PPP3CA: variants seen among roughly 807,000 people sequenced by gnomAD.
The protein encoded by PPP3CA is CAM-PRP catalytic subunit.
Under a neutral mutation model 66.5 loss-of-function variants are expected in PPP3CA, and 14 were observed. The ratio of observed to expected loss-of-function variants is 0.21; its 90% CI spans 0.14 to 0.33. The LOEUF (loss-of-function observed/expected upper bound fraction) is 0.33. Among genes scored for constraint, PPP3CA ranks in the 10% least tolerant of loss-of-function variants. PPP3CA has a pLI of 1.00. For synonymous variants in PPP3CA, 232 were observed against 226.2 expected (o/e 1.03, Z -0.23); for missense variants, 317 against 639.5 (o/e 0.50, Z 5.44).
At chr4:101,237,443 A>G (rs58053659) in intron 1 of PPP3CA, among the ~76,000 whole-genome samples, 9,589 of 152,028 alleles carry the variant, frequency 0.063, 948 homozygotes, top group African/African-American at 0.21. Context: ...AAAATATTAT[A>G]CACGATCAAC....
intron 2 of PPP3CA, among the ~76,000 whole-genome samples, chr4:101,193,834 T>A (rs760366281): frequency 2.0e-5 from 3 of 152,214 alleles, no homozygotes; most frequent in Admixed American, 2.0e-4. Flanking sequence ...TTCCAATAAC[T>A]AGGACATTAA....
chr4:101,169,623 T>C (rs538298091), intron 2 of PPP3CA, among the ~76,000 whole-genome samples: 44 of 152,336 alleles, frequency 2.9e-4, no homozygotes, highest in Non-Finnish European at 5.0e-4. Flanking sequence ...AATGCCTACC[T>C]ATGGGTTTGA....
Position 101,346,919 on chromosome 4 carries a change from G to C in PPP3CA, c.-123C>G, listed in dbSNP as rs1023678618. ...GCCGCCGCCGCGCTGCAAACCGCTCGGCTGGAGGTCTAGGCTCTGAGCTGG... is the reference window on the plus strand; with the variant it reads ...GCCGCCGCCGCGCTGCAAACCGCTCCGCTGGAGGTCTAGGCTCTGAGCTGG... On this transcript the variant is annotated 5_prime_UTR_variant, in exon 1 of 14. Coordinates refer to ENST00000394854, the MANE Select transcript of PPP3CA (RefSeq NM_000944.5). The C allele has an allele frequency of 1.8e-6, 2 of 1,126,314 alleles. No individual in the cohort carries two copies. The highest frequency in any genetic ancestry group is 2.7e-5 in the East Asian group (1 of 37,420). 69.8% of individuals were successfully genotyped at this position (1,126,314 alleles called of 1,614,324 possible).
chr4:101,150,526 A>G (rs1723104463), intron 2 of PPP3CA, among the ~76,000 whole-genome samples: 1 of 152,200 alleles, frequency 6.6e-6, no homozygotes, highest in African/African-American at 2.4e-5. Flanking sequence ...AACTGCTTTG[A>G]GAATAAGCCA....
At chr4:101,065,924 C>G (rs1016065775) in intron 8 of PPP3CA, among the ~76,000 whole-genome samples, 1 of 152,096 alleles carries the variant, frequency 6.6e-6, no homozygotes, top group Admixed American at 6.6e-5. Context: ...TGAGTACCTA[C>G]TGATAAAGCA....
intron 1 of PPP3CA, among the ~76,000 whole-genome samples, chr4:101,330,620 C>G (rs931386977): frequency 2.6e-5 from 4 of 152,106 alleles, no homozygotes; most frequent in Admixed American, 6.5e-5. Context: ...GTGTGACTAG[C>G]TTTCCTGTGA....
At chr4:101,097,702 C>T (rs183540040) in intron 5 of PPP3CA, among the ~76,000 whole-genome samples, 6 of 152,212 alleles carry the variant, frequency 3.9e-5, no homozygotes, top group South Asian at 2.1e-4. Flanking sequence ...TATTGTACTA[C>T]ATAAAACTAT....
At chr4:101,088,584 CAAAAAAAAAA>C (rs1174497803) in intron 6 of PPP3CA, among the ~76,000 whole-genome samples, 2,062 of 35,810 alleles carry the variant, frequency 0.058, 62 homozygotes, top group African/African-American at 0.15. Context: ...GACTCCATCT[CAAAAAAAAAA>C]AAAAAAAAAA....
intron 10 of PPP3CA, among the ~76,000 whole-genome samples, chr4:101,041,058 C>T (rs967451891): frequency 6.6e-6 from 1 of 152,152 alleles, no homozygotes; most frequent in African/African-American, 2.4e-5. Flanking sequence ...TCCCTATCTG[C>T]CTTGCAACAT....
At chr4:101,239,628 G>A (rs1224974353) in intron 1 of PPP3CA, among the ~76,000 whole-genome samples, 1 of 151,968 alleles carries the variant, frequency 6.6e-6, no homozygotes, top group Non-Finnish European at 1.5e-5. Flanking sequence ...CAGTAAAAAT[G>A]CTAAAAATGG....
chr4:101,124,929 A>ATC (rs1213149436), intron 2 of PPP3CA, among the ~76,000 whole-genome samples: 1 of 152,228 alleles, frequency 6.6e-6, no homozygotes. Flanking sequence ...TGAATTATTA[A>ATC]TTGATGCACT....
At chr4:101,285,558 T>C (rs1276599259) in intron 1 of PPP3CA, among the ~76,000 whole-genome samples, 1 of 151,728 alleles carries the variant, frequency 6.6e-6, no homozygotes, top group Non-Finnish European at 1.5e-5. Flanking sequence ...AATTAATTGA[T>C]ACTAATTCCT....
intron 10 of PPP3CA, among the ~76,000 whole-genome samples, chr4:101,043,417 TCA>T (rs1388573252): frequency 6.6e-6 from 1 of 152,098 alleles, no homozygotes; most frequent in African/African-American, 2.4e-5. Flanking sequence ...ATGAACATTC[TCA>T]CAGTGAGTAT....
intron 2 of PPP3CA, among the ~76,000 whole-genome samples, chr4:101,162,726 TAC>T (rs1255346864): frequency 6.6e-6 from 1 of 152,086 alleles, no homozygotes; most frequent in Non-Finnish European, 1.5e-5. Flanking sequence ...GCTAATTACA[TAC>T]AGTTTAAAGT....
intron 1 of PPP3CA, among the ~76,000 whole-genome samples, chr4:101,338,725 A>G (rs969446543): frequency 6.6e-5 from 10 of 152,238 alleles, no homozygotes; most frequent in African/African-American, 2.4e-5. Flanking sequence ...AGCTCGAAAG[A>G]AGAGAACTGA....
chr4:101,339,925 C>A (rs1395198711), intron 1 of PPP3CA, among the ~76,000 whole-genome samples: 2 of 152,134 alleles, frequency 1.3e-5, no homozygotes, highest in Non-Finnish European at 2.9e-5. Context: ...AAAACTACTA[C>A]TAATTCTTCC....
chr4:101,263,595 G>GT (rs35101667), intron 1 of PPP3CA, among the ~76,000 whole-genome samples: 83,682 of 148,560 alleles, frequency 0.56, 23,769 homozygotes, highest in Middle Eastern at 0.71. Flanking sequence ...GATATCTAGT[G>GT]TTTTTTTTTT....
intron 8 of PPP3CA, among the ~76,000 whole-genome samples, chr4:101,067,008 A>G (rs980927387): frequency 2.0e-5 from 3 of 152,174 alleles, no homozygotes; most frequent in Non-Finnish European, 4.4e-5. Context: ...GCAATTCCAC[A>G]TGACCTCTTG....
intron 1 of PPP3CA, among the ~76,000 whole-genome samples, chr4:101,248,050 A>G (rs1726546537): frequency 6.6e-6 from 1 of 152,236 alleles, no homozygotes. Context: ...AGGAGCTTGG[A>G]AACAGCAAAT....
Sources: allele counts gnomAD v4.1 joint callset (sites outside exome capture counted in the v4.1 genomes callset), GRCh38; gene constraint gnomAD v4.1.1; transcripts MANE v1.5; gene names NCBI Gene and HGNC (gene_info 2026-07-23, HGNC 2026-07-21).